Variants in IFNGR2 observed in about 807,000 individuals in gnomAD.
The protein encoded by IFNGR2 is interferon gamma receptor 2.
Under a neutral mutation model 41.1 loss-of-function variants are expected in IFNGR2, and 15 were observed. The observed-to-expected ratio is 0.37, with a 90% CI of 0.24 to 0.56. The LOEUF (loss-of-function observed/expected upper bound fraction) is 0.56. Among genes scored for constraint, IFNGR2 ranks in the 20% least tolerant of loss-of-function variants. The pLI is 0.81. For synonymous variants in IFNGR2, 161 were observed against 171.6 expected, an observed-to-expected ratio of 0.94 and a Z score of 0.48; for missense variants, 362 against 415.7, an observed-to-expected ratio of 0.87 and a Z score of 1.12.
chr21:33,409,471 T>A (rs914300168), intron 1 of IFNGR2, among the ~76,000 whole-genome samples: 1 of 152,124 alleles, frequency 6.6e-6, no homozygotes, highest in Non-Finnish European at 1.5e-5. Context: ...AGTGAGACTC[T>A]GTCTCAAAAG....
intron 1 of IFNGR2, among the ~76,000 whole-genome samples, chr21:33,414,198 C>T (rs2083736655): frequency 6.6e-6 from 1 of 152,096 alleles, no homozygotes; most frequent in Admixed American, 6.6e-5. Flanking sequence ...ATGCAGATTT[C>T]CTGGGGGCCT....
At chr21:33,432,935 G>A in intron 6 of IFNGR2, 64 bp downstream of exon 6, 2 of 1,350,028 alleles carry the variant, frequency 1.5e-6, no homozygotes, top group Non-Finnish European at 2.1e-6. Flanking sequence ...GCCCAGGCGG[G>A]AGTGTCATGG....
Position 33,414,877 on chromosome 21 carries a change from T to G in IFNGR2, c.74-11T>G. On this transcript the variant is annotated splice_polypyrimidine_tract_variant and intron_variant, in intron 1 of 6. Transcript: ENST00000290219. ...CCTTCCTCCCTCTTCTTTTTCTCTG[T>G]CCCCCTCAAGACCCTCTTTCCCAGC... The G allele has an allele frequency of 2.5e-6, 4 of 1,610,082 alleles. No individual in the cohort carries two copies. Among genetic ancestry groups the G allele is most frequent in the Non-Finnish European group, 3.4e-6 (4 of 1,178,066 alleles).
chr21:33,422,904 C>CAAAAAAAAAAAAAAAAAAAAAAA (rs2083805271), intron 3 of IFNGR2, among the ~76,000 whole-genome samples: 1 of 119,640 alleles, frequency 8.4e-6, no homozygotes, highest in Non-Finnish European at 1.8e-5. Context: ...AAAAAAAAAG[C>CAAAAAAAAAAAAAAAAAAAAAAA]AAAATAATCC....
intron 1 of IFNGR2, chr21:33,410,899 CAA>C (rs1357858548): frequency 2.2e-5 from 33 of 1,533,534 alleles, no homozygotes; most frequent in Non-Finnish European, 2.7e-5. Flanking sequence ...CATGGTAAGA[CAA>C]GAGTATCTGG....
rs1302844786 is a variant in IFNGR2, at chr21:33,432,870, A to G, written c.878A>G (p.Glu293Gly). Residue 293 changes from glutamate (E) to glycine (G), a missense_variant and splice_region_variant, in exon 6 of 7, where the codon GAG (glutamate) becomes GGG (glycine). Transcript: ENST00000290219. ...TPPSIPLQIE[E>G]YLKDPTQPIL... is the part of the protein sequence containing the mutation. ...CCAAGCATCCCATTACAGATAGAAGAGGTACGTGTGCACACATCTCTTTTT... is the reference window on the plus strand; with the variant it reads ...CCAAGCATCCCATTACAGATAGAAGGGGTACGTGTGCACACATCTCTTTTT... 2 of 1,606,516 alleles carry G rather than the reference A, an allele frequency of 1.2e-6. No individual in the cohort carries two copies. Among genetic ancestry groups the G allele is most frequent in the Non-Finnish European group, 1.7e-6 (2 of 1,175,116 alleles).
upstream of IFNGR2, chr21:33,403,200 G>A (rs1365335991): frequency 6.5e-6 from 1 of 153,038 alleles, no homozygotes; most frequent in Non-Finnish European, 1.5e-5. Context: ...TGGGCGTCCC[G>A]CGGGGCTCCA....
At position 33,412,648 on chromosome 21, in the gene IFNGR2, C is replaced by T. The variant is rs543921171; in HGVS notation, c.74-2240C>T. Among the ~76,000 whole-genome samples the T allele has an allele frequency of 3.9e-5, 6 of 152,238 alleles. No individual in the cohort carries two copies. In the East Asian group the frequency reaches 9.7e-4, roughly 25 times the overall value. On this transcript the variant is annotated intron_variant, in intron 1 of 6. Coordinates refer to ENST00000290219, the MANE Select transcript of IFNGR2 (RefSeq NM_005534.4). ...TTGGCTTGCTGCAACCTCCGCCTCC[C>T]GGGTTCAAGCGATTCTCCTGCCTCA...
intron 1 of IFNGR2, among the ~76,000 whole-genome samples, chr21:33,404,551 C>T (rs558301868): frequency 3.3e-5 from 5 of 152,288 alleles, no homozygotes; most frequent in African/African-American, 1.2e-4. Context: ...GATCCTCCCA[C>T]GTCAGCCTCC....
At chr21:33,427,590 T>A (rs1469302919) in intron 4 of IFNGR2, among the ~76,000 whole-genome samples, 1 of 152,060 alleles carries the variant, frequency 6.6e-6, no homozygotes, top group East Asian at 1.9e-4. Flanking sequence ...GGTGCTCACG[T>A]TGACAGAGGT....
At chr21:33,430,927 A>G (rs2123365664) in intron 4 of IFNGR2, among the ~76,000 whole-genome samples, 1 of 152,322 alleles carries the variant, frequency 6.6e-6, no homozygotes, top group Middle Eastern at 3.4e-3. Context: ...GTTCTTTGCA[A>G]GAAACCCTAT....
rs764422269 is a variant in IFNGR2 at position 33,421,525 on chromosome 21, G to T, written c.252G>T (p.Val84=). ...CGGCCGACATCATGTCCATAGGGGT[G>T]AATTGTACACAGATCACAGCAACAG... ...WFTADIMSIG[V]NCTQITATEC... Residue 84 remains valine (V), a synonymous_variant, in exon 3 of 7, where the codon GTG becomes GTT. Transcript: ENST00000290219. 3.7e-6 allele frequency: 6 copies of T among 1,614,074 alleles called. No individual in the cohort carries two copies. Among genetic ancestry groups the T allele is most frequent in the Middle Eastern group, 1.6e-4 (1 of 6,062 alleles).
intron 6 of IFNGR2, among the ~76,000 whole-genome samples, chr21:33,433,742 G>C (rs2083914088): frequency 6.6e-6 from 1 of 152,020 alleles, no homozygotes; most frequent in Non-Finnish European, 1.5e-5. Flanking sequence ...CACCTAAAAA[G>C]AGTTATGATG....
intron 2 of IFNGR2, among the ~76,000 whole-genome samples, chr21:33,420,290 T>C (rs890208432): frequency 6.6e-6 from 1 of 152,130 alleles, no homozygotes; most frequent in African/African-American, 2.4e-5. Flanking sequence ...TTCTGGGCCA[T>C]AGTTGCTGTT....
chr21:33,421,434 A>G, intron 2 of IFNGR2, 46 bp from the exon 3 acceptor site: 3 of 1,491,726 alleles, frequency 2.0e-6, no homozygotes, highest in Non-Finnish European at 2.8e-6. Flanking sequence ...ACTATTACAC[A>G]TGAAACAGAG....
chr21:33,417,040 C>T (rs1163944081), intron 2 of IFNGR2, among the ~76,000 whole-genome samples: 4 of 151,094 alleles, frequency 2.6e-5, no homozygotes, highest in Non-Finnish European at 5.9e-5. Context: ...ATACCTCAGC[C>T]TTCTGTGTAG....
rs1170707063 is a variant in IFNGR2, at chr21:33,432,723, A to T, written c.731A>T (p.Glu244Val). The T allele has an allele frequency of 3.7e-6, 6 of 1,614,038 alleles. No homozygotes were observed. Among genetic ancestry groups the T allele is most frequent in the Non-Finnish European group, 5.1e-6 (6 of 1,180,004 alleles). Residue 244 changes from glutamate (E) to valine (V), a missense_variant, in exon 6 of 7, where the codon GAG becomes GTG. Transcript: ENST00000290219. ...CYETMADAST[E>V]LQQVILISVG... Reference sequence around the variant, plus strand: ...CGTGTCCTCTTTTTAGCCTCCACTGAGCTTCAGCAAGTCATCCTGATCTCC... The same window carrying T: ...CGTGTCCTCTTTTTAGCCTCCACTGTGCTTCAGCAAGTCATCCTGATCTCC...
rs377337855 is a variant in IFNGR2 at position 33,421,483 on chromosome 21, C to T, written c.210C>T (p.Thr70=). The part of the protein sequence containing the change: ...PVVYQVQFKY[T]DSKWFTADIM... ...GAAATCCTTTTTTCCTTCCCAGCAC[C>T]GACAGTAAATGGTTCACGGCCGACA... Residue 70 remains threonine, a synonymous_variant, in exon 3 of 7, where the codon ACC becomes ACT. Coordinates refer to ENST00000290219, the MANE Select transcript of IFNGR2 (RefSeq NM_005534.4). 2.9e-5 allele frequency: 47 copies of T among 1,612,908 alleles called. 1 individual carries two copies. In the East Asian group the frequency reaches 5.6e-4, roughly 19 times the overall value.
At chr21:33,407,080 T>C (rs574931040) in intron 1 of IFNGR2, among the ~76,000 whole-genome samples, 1 of 152,266 alleles carries the variant, frequency 6.6e-6, no homozygotes, top group South Asian at 2.1e-4. Flanking sequence ...TTGCGCTAGA[T>C]AGAAAAATGT....
Sources: gnomAD v4.1 joint callset for allele counts (sites outside exome capture counted in the v4.1 genomes callset) on GRCh38, gnomAD v4.1.1 for gene constraint, MANE v1.5 for transcripts, NCBI Gene and HGNC (gene_info 2026-07-23, HGNC 2026-07-21) for gene names.